Variants in MSN observed in about 807,000 individuals in gnomAD.
The protein encoded by MSN is epididymis luminal protein 70.
Under a neutral mutation model 48.0 loss-of-function variants are expected in MSN, and 2 were observed. That is an observed-to-expected ratio of 0.04 (90% CI 0.02 to 0.13). MSN has a LOEUF of 0.13. Ranked by LOEUF, MSN falls within the 10% of genes least tolerant of loss-of-function variation. The pLI, the probability that MSN is intolerant of heterozygous loss-of-function variation, is 1.00. For missense variants in MSN, 267 were observed against 470.1 expected (o/e 0.57, Z 3.99); for synonymous variants, 146 against 166.9 (o/e 0.87, Z 0.97).
At chrX:65,716,571 C>T (rs1180708256) in intron 1 of MSN, 12 of 420,599 alleles carry the variant, frequency 2.9e-5, no homozygotes, top group Non-Finnish European at 3.9e-5. Flanking sequence ...GCATTGCACC[C>T]GGCCTTCATG....
intron 1 of MSN, among the ~76,000 whole-genome samples, chrX:65,711,501 C>T (rs1280390700): frequency 1.2e-4 from 13 of 112,574 alleles, no homozygotes; most frequent in African/African-American, 4.2e-4. Flanking sequence ...CGGCCCCTAA[C>T]ATACATATTT....
Position 65,657,970 on chromosome X carries a change from G to A in MSN, c.-21-58848G>A, listed in dbSNP as rs761591228. ...CCTCAATGTCCTCATTTCTACCAATGTAACTGTCATTTCTTGTGAGGGTTA... is the reference window on the plus strand; with the variant it reads ...CCTCAATGTCCTCATTTCTACCAATATAACTGTCATTTCTTGTGAGGGTTA... On this transcript the variant is annotated intron_variant, in intron 1 of 3. Coordinates refer to the MSN transcript ENST00000609672. 7.1e-5 allele frequency among the ~76,000 whole-genome samples: 8 copies of A among 112,113 alleles called. No homozygotes were observed. In the South Asian group the frequency reaches 2.6e-3, roughly 36 times the overall value.
rs1049547350 is a variant in MSN, at chrX:65,674,469, C to T, written c.12+6616C>T. On this transcript the variant is annotated intron_variant, in intron 1 of 12. Coordinates refer to ENST00000360270, the MANE Select transcript of MSN (RefSeq NM_002444.3). ...ACAAGATGGGTACAATGGAGTTCCC[C>T]TAAAATGGTTTTGCTATAGCAAGTT... Among the ~76,000 whole-genome samples, 4 of 111,172 alleles carry T rather than the reference C, an allele frequency of 3.6e-5. No homozygotes were observed. The Admixed American group carries it at 3.8e-4, about 11-fold the overall frequency.
chrX:65,659,822 A>G (rs1054438765), intron 1 of MSN, among the ~76,000 whole-genome samples: 3 of 111,062 alleles, frequency 2.7e-5, no homozygotes, highest in Non-Finnish European at 3.8e-5. Flanking sequence ...TAACCAACCT[A>G]TATGTGGATG....
rs1233387260 is a variant in MSN, at chrX:65,627,241, GACATATGTATTAGTCCATATGTATTAAT to G, written c.-22+38676_-22+38703del. Among the ~76,000 whole-genome samples, 302 of 104,861 alleles carry G rather than the reference GACATATGTATTAGTCCATATGTATTAAT, an allele frequency of 2.9e-3. 3 individuals are homozygous for G. The highest frequency in any genetic ancestry group is 5.1e-3 in the East Asian group (18 of 3,496). The allele number at this position is 104,861 out of a possible 115,157, so 91.1% of individuals were successfully genotyped here. A position where few individuals can be genotyped will look rare whatever the true frequency, so the allele number is the denominator to read the frequency against. ...ATAAGAGCTTTATTGAGATTTAACT[GACATATGTATTAGTCCATATGTATTAAT>G]ACATATGTATTAGTCCATATGTATT... On this transcript the variant is annotated intron_variant, in intron 1 of 3. Coordinates refer to the MSN transcript ENST00000609672.
At chrX:65,599,295 C>T (rs2070212302) in intron 1 of MSN, among the ~76,000 whole-genome samples, 1 of 100,332 alleles carries the variant, frequency 1.0e-5, no homozygotes, top group Non-Finnish European at 2.0e-5. Flanking sequence ...AACTCCGTCT[C>T]AAAAAAAAAA....
At chrX:65,613,818 G>T (rs2070342626) in intron 1 of MSN, among the ~76,000 whole-genome samples, 1 of 111,863 alleles carries the variant, frequency 8.9e-6, no homozygotes. Flanking sequence ...CCATTCTGTA[G>T]GTTGCCTGTT....
At position 65,636,774 on chromosome X, in the gene MSN, ACC is replaced by A. The variant is rs1226347335; in HGVS notation, c.-22+48163_-22+48164del. Among the ~76,000 whole-genome samples the A allele has an allele frequency of 4.7e-3, 453 of 96,628 alleles. 14 individuals are homozygous for A. Among genetic ancestry groups the A allele is most frequent in the African/African-American group, 0.018 (429 of 23,898 alleles). 83.9% of individuals were successfully genotyped at this position (96,628 alleles called of 115,157 possible). Reference sequence around the variant, plus strand: ...AAAAAAAAAAAAAAAAAAAAAAAAAACCAGAAAGAAAGAAAAGAAAAGAAGGG... The same window carrying A: ...AAAAAAAAAAAAAAAAAAAAAAAAAAAGAAAGAAAGAAAAGAAAAGAAGGG... On this transcript the variant is annotated intron_variant, in intron 1 of 3. Coordinates refer to the MSN transcript ENST00000609672.
chrX:65,671,753 G>A (rs1431697915), intron 1 of MSN, among the ~76,000 whole-genome samples: 2 of 111,923 alleles, frequency 1.8e-5, no homozygotes, highest in East Asian at 5.6e-4. Flanking sequence ...GGTAGGGAGG[G>A]GGCTGGTGGG....
chrX:65,647,342 G>T (rs1414797264), intron 1 of MSN, among the ~76,000 whole-genome samples: 1 of 109,477 alleles, frequency 9.1e-6, no homozygotes, highest in Non-Finnish European at 1.9e-5. Context: ...CTCCCAAGCA[G>T]CTGGGATTAC....
At chrX:65,688,910 C>T (rs1452202334) in intron 1 of MSN, among the ~76,000 whole-genome samples, 2 of 111,985 alleles carry the variant, frequency 1.8e-5, no homozygotes, top group Non-Finnish European at 3.8e-5. Context: ...TGCCATGCTC[C>T]TGGACATATG....
intron 1 of MSN, among the ~76,000 whole-genome samples, chrX:65,598,095 G>A (rs763686846): frequency 9.0e-6 from 1 of 111,406 alleles, no homozygotes; most frequent in African/African-American, 3.3e-5. Flanking sequence ...CAACACTCAG[G>A]AAGCACCAGA....
At chrX:65,601,340 C>T (rs1364305271) in intron 1 of MSN, among the ~76,000 whole-genome samples, 1 of 112,074 alleles carries the variant, frequency 8.9e-6, no homozygotes, top group East Asian at 2.8e-4. Flanking sequence ...ACCTGTGGGC[C>T]CTTGGGTGGG....
At chrX:65,677,227 A>C (rs1347340733) in intron 1 of MSN, among the ~76,000 whole-genome samples, 1 of 111,582 alleles carries the variant, frequency 9.0e-6, no homozygotes, top group Non-Finnish European at 1.9e-5. Context: ...TGACTAATCT[A>C]TGGTATAGAG....
At position 65,737,210 on chromosome X, in the gene MSN, C is replaced by G; in HGVS notation, c.1123C>G (p.Leu375Val). The G allele has an allele frequency of 8.3e-7, 1 of 1,207,757 alleles. No homozygotes were observed. Among genetic ancestry groups the G allele is most frequent in the Non-Finnish European group, 1.1e-6 (1 of 893,569 alleles). Residue 375 changes from leucine to valine, a missense_variant, in exon 10 of 13, where the codon CTT becomes GTT. Coordinates refer to ENST00000360270, the MANE Select transcript of MSN (RefSeq NM_002444.3). ...LEEQTRRALE[L>V]EQERKRAQSE... ...AGAACAGACCCGTAGGGCTCTGGAA[C>G]TTGAGCAGGAACGGAAGCGTGCCCA...
Position 65,728,127 on chromosome X carries a change from G to A in MSN, c.192+218G>A, listed in dbSNP as rs149897040. ...TGACTTCTAACAGCGACAATGGCCA[G>A]CATTCAAAGAAGAAGAGACTCTTTT... On this transcript the variant is annotated intron_variant, in intron 3 of 12. Transcript: ENST00000360270. Among the ~76,000 whole-genome samples, 87 of 111,621 alleles carry A rather than the reference G, an allele frequency of 7.8e-4. No individual in the cohort carries two copies. The East Asian group carries it at 0.024, about 30-fold the overall frequency.
chrX:65,640,280 C>T (rs1467908090), intron 1 of MSN, among the ~76,000 whole-genome samples: 1 of 112,139 alleles, frequency 8.9e-6, no homozygotes, highest in Non-Finnish European at 1.9e-5. Context: ...GTGGCTCAGG[C>T]CTATAATCCC....
At chrX:65,727,294 G>A (rs1470979232) in intron 2 of MSN, among the ~76,000 whole-genome samples, 1 of 111,891 alleles carries the variant, frequency 8.9e-6, no homozygotes, top group African/African-American at 3.3e-5. Context: ...AGATACAGGA[G>A]TTAATCCAAC....
At chrX:65,718,697 A>G (rs2071488960) in intron 2 of MSN, among the ~76,000 whole-genome samples, 1 of 109,722 alleles carries the variant, frequency 9.1e-6, no homozygotes, top group African/African-American at 3.3e-5. Context: ...GCACACCTAT[A>G]GTCCCAGCTA....
Sources: allele counts gnomAD v4.1 joint callset (sites outside exome capture counted in the v4.1 genomes callset), GRCh38; gene constraint gnomAD v4.1.1; transcripts MANE v1.5; gene names NCBI Gene and HGNC (gene_info 2026-07-23, HGNC 2026-07-21).